Variants in FBXL5 observed in about 807,000 individuals in gnomAD.
FBXL5 encodes the protein F-box and leucine rich repeat protein 5, also known as F-box/LRR-repeat protein 5.
Under a neutral mutation model 78.3 loss-of-function variants are expected in FBXL5, and 26 were observed. That is an observed-to-expected ratio of 0.33 (90% CI 0.24 to 0.46). The LOEUF (loss-of-function observed/expected upper bound fraction) is 0.46, where lower values mean the gene tolerates loss of function less well. Ranked by LOEUF, FBXL5 falls within the 20% of genes least tolerant of loss-of-function variation. The pLI, the probability that FBXL5 is intolerant of heterozygous loss-of-function variation, is 1.00. For missense variants in FBXL5, 710 were observed against 829.2 expected (o/e 0.86, Z 1.77); for synonymous variants, 295 against 282.5 (o/e 1.04, Z -0.45).
At chr4:15,660,401 TCAAAA>T (rs1473632643), upstream of FBXL5, among the ~76,000 whole-genome samples, 1 of 152,060 alleles carries the variant, frequency 6.6e-6, no homozygotes, top group African/African-American at 2.4e-5. Flanking sequence ...TTTTAAAAAC[TCAAAA>T]CAGAGTACCA....
At chr4:15,617,926 T>C (rs527473274) in intron 9 of FBXL5, among the ~76,000 whole-genome samples, 1 of 152,104 alleles carries the variant, frequency 6.6e-6, no homozygotes, top group Admixed American at 6.5e-5. Context: ...TTTACCTACG[T>C]AACAAACCTG....
At position 15,615,151 on chromosome 4, in the gene FBXL5, C is replaced by T. The variant is rs1304516548; in HGVS notation, c.1851-2737G>A. Among the ~76,000 whole-genome samples the T allele has an allele frequency of 7.9e-5, 12 of 152,278 alleles. No homozygotes were observed. In the East Asian group the frequency reaches 1.7e-3, roughly 22 times the overall value. On this transcript the variant is annotated intron_variant, in intron 9 of 10. Coordinates refer to ENST00000341285, the MANE Select transcript of FBXL5 (RefSeq NM_012161.4). ...TCACCGAGCCTTAGCTGCCTTCCTG[C>T]GGGGCAGGGCTCGGGACCTGCAGCC...
Position 15,622,933 on chromosome 4 carries a change from A to G in FBXL5, c.1850+2319T>C, listed in dbSNP as rs79212147. Among the ~76,000 whole-genome samples the G allele has an allele frequency of 8.8e-3, 1,341 of 152,282 alleles. 76 individuals carry two copies. The East Asian group carries it at 0.17, about 19-fold the overall frequency. On this transcript the variant is annotated intron_variant, in intron 9 of 10. Transcript: ENST00000341285. ...CTTCACTACTACTCAGGAAAACCCT[A>G]AAGAATAAGTGCAACTTATTTCCAA... is the stretch of plus-strand genomic sequence containing the variant.
chr4:15,617,433 A>G (rs2148544956), intron 9 of FBXL5, among the ~76,000 whole-genome samples: 1 of 152,030 alleles, frequency 6.6e-6, no homozygotes, highest in Non-Finnish European at 1.5e-5. Context: ...CTGTAGTCCC[A>G]GCTACTCTGG....
chr4:15,663,167 A>G (rs1020370306), upstream of FBXL5, among the ~76,000 whole-genome samples: 2 of 152,180 alleles, frequency 1.3e-5, no homozygotes, highest in Non-Finnish European at 2.9e-5. Context: ...TCCTTTATAT[A>G]TACCATAATA....
At chr4:15,640,654 T>TC (rs1714767192) in intron 3 of FBXL5, 134 bp downstream of exon 3, 2 of 445,438 alleles carry the variant, frequency 4.5e-6, no homozygotes, top group East Asian at 7.0e-5. Flanking sequence ...TTTTCTTTTT[T>TC]CCCAAAAAGA....
intron 1 of FBXL5, among the ~76,000 whole-genome samples, chr4:15,668,606 T>A (rs1717642389): frequency 6.6e-6 from 1 of 152,122 alleles, no homozygotes; most frequent in East Asian, 1.9e-4. Context: ...TGAAGATAAT[T>A]TAATATGTGC....
chr4:15,640,990 T>A (rs1714810615), intron 2 of FBXL5, 107 bp from the exon 3 acceptor site: 2 of 542,682 alleles, frequency 3.7e-6, no homozygotes, highest in Non-Finnish European at 6.4e-6. Flanking sequence ...GAAAAAAAAA[T>A]AGACAAATTG....
chr4:15,675,284 T>C (rs529230357), intron 1 of FBXL5, among the ~76,000 whole-genome samples: 1 of 152,138 alleles, frequency 6.6e-6, no homozygotes, highest in Admixed American at 6.5e-5. Context: ...ATAAGACAAG[T>C]AGAAATTAAT....
At chr4:15,653,415 A>T (rs1716380729) in intron 1 of FBXL5, among the ~76,000 whole-genome samples, 1 of 152,232 alleles carries the variant, frequency 6.6e-6, no homozygotes, top group African/African-American at 2.4e-5. Context: ...TTTTAAAATA[A>T]GGCTGCTTAG....
At chr4:15,626,736 G>A (rs1469740208) in intron 8 of FBXL5, 137 bp downstream of exon 8, 1 of 648,362 alleles carries the variant, frequency 1.5e-6, no homozygotes, top group African/African-American at 1.8e-5. Context: ...TGAAGAACTG[G>A]AGGGTGCTAT....
At position 15,625,795 on chromosome 4, in the gene FBXL5, A is replaced by G. The variant is rs1712984579; in HGVS notation, c.1307T>C (p.Ile436Thr). The G allele has an allele frequency of 6.2e-7, 1 of 1,614,128 alleles. No individual in the cohort carries two copies. The highest frequency in any genetic ancestry group is 8.5e-7 in the Non-Finnish European group (1 of 1,180,006). ...ITSTAWKNKD[I>T]TMQSTKQYAC... ...ATACTGCTTGGTGGACTGCATGGTA[A>G]TGTCTTTATTTTTCCACGCAGTTGA... The change falls in exon 9 of 11, where the codon ATT (isoleucine) becomes ACT (threonine). Residue 436 changes from isoleucine to threonine, a missense_variant. Physicochemically the swap from Ile to Thr is moderately conservative, Grantham distance 89. This residue lies in a region of FBXL5 where 517 missense variants were observed against 542.9 expected (regional missense o/e 0.95). Transcript: ENST00000341285.
intron 1 of FBXL5, among the ~76,000 whole-genome samples, chr4:15,674,018 A>G (rs187205318): frequency 2.0e-5 from 3 of 152,188 alleles, no homozygotes; most frequent in Non-Finnish European, 4.4e-5. Context: ...TCTGGCCTGT[A>G]TCAAACTTTT....
chr4:15,612,548 CTGA>C (rs1450121500), intron 9 of FBXL5, 134 bp from the exon 10 acceptor site: 3 of 764,082 alleles, frequency 3.9e-6, no homozygotes, highest in Non-Finnish European at 6.2e-6. Context: ...CTGTAAAACA[CTGA>C]TAACTAACCT....
intron 1 of FBXL5, among the ~76,000 whole-genome samples, chr4:15,653,673 T>C (rs1716430968): frequency 1.3e-5 from 2 of 152,046 alleles, no homozygotes; most frequent in Non-Finnish European, 2.9e-5. Context: ...TATTAAAGAA[T>C]GGTGTCTGAA....
At position 15,644,661 on chromosome 4, in the gene FBXL5, C is replaced by G; in HGVS notation, c.132G>C (p.Leu44=). 2.5e-6 allele frequency: 4 copies of G among 1,613,044 alleles called. No homozygotes were observed. The highest frequency in any genetic ancestry group is 3.4e-6 in the Non-Finnish European group (4 of 1,179,504). The change falls in exon 2 of 11, where the codon CTG becomes CTC. Residue 44 remains leucine (L), a synonymous_variant. Transcript: ENST00000341285. ...CCTTGAAAGTAGCATACAAAGACTG[C>G]AGAAGAGCACGGAAATCGTTGTTGT... ...FSNNNDFRAL[L]QSLYATFKEF... is the part of the protein sequence containing the mutation.
At chr4:15,642,246 T>TA (rs1714961296) in intron 2 of FBXL5, among the ~76,000 whole-genome samples, 1 of 149,642 alleles carries the variant, frequency 6.7e-6, no homozygotes, top group Non-Finnish European at 1.5e-5. Context: ...ATGAAAACTT[T>TA]TTTTTTTTTT....
Position 15,654,141 on chromosome 4 carries a change from T to C in FBXL5, c.84+1063A>G, listed in dbSNP as rs71601486. Among the ~76,000 whole-genome samples, 4 of 152,218 alleles carry C rather than the reference T, an allele frequency of 2.6e-5. No homozygotes were observed. In the East Asian group the frequency reaches 7.7e-4, roughly 29 times the overall value. On this transcript the variant is annotated intron_variant, in intron 1 of 10. Coordinates refer to ENST00000341285, the MANE Select transcript of FBXL5 (RefSeq NM_012161.4). ...ATCCTCCAATCGCCTGGCTGAGCTA[T>C]GAAACACCCCTCTTTTCTGTAGACA...
chr4:15,619,062 G>A (rs529812145), intron 9 of FBXL5, among the ~76,000 whole-genome samples: 2 of 152,096 alleles, frequency 1.3e-5, no homozygotes, highest in Non-Finnish European at 2.9e-5. Flanking sequence ...GGTGGGGCAG[G>A]GGGGTGCTGA....
Sources: allele counts gnomAD v4.1 joint callset (sites outside exome capture counted in the v4.1 genomes callset), GRCh38; gene constraint gnomAD v4.1.1; regional missense constraint gnomAD v4.1.1; transcripts MANE v1.5; gene names NCBI Gene and HGNC (gene_info 2026-07-23, HGNC 2026-07-21).